ITPRID1: variants seen among roughly 807,000 people sequenced by gnomAD.
ITPRID1 encodes the protein protein ITPRID1.
ITPRID1 carries 96 observed loss-of-function variants against 95.4 expected under a neutral mutation model. The observed-to-expected ratio is 1.01, with a 90% confidence interval of 0.85 to 1.19. The LOEUF is 1.19. ITPRID1 is among the 50% of genes most tolerant of loss of function. The pLI is 0.00. For synonymous variants in ITPRID1, 510 were observed against 453.6 expected, an observed-to-expected ratio of 1.12 and a Z score of -1.58; for missense variants, 1,339 against 1,252.9, an observed-to-expected ratio of 1.07 and a Z score of -1.04.
intron 5 of ITPRID1, among the ~76,000 whole-genome samples, chr7:31,566,087 G>A (rs572873462): frequency 1.8e-4 from 27 of 152,308 alleles, no homozygotes; most frequent in African/African-American, 5.8e-4. Context: ...GACACAGGGC[G>A]TGGTCCATGG....
At chr7:31,610,915 C>G (rs1223514001) in intron 10 of ITPRID1, among the ~76,000 whole-genome samples, 1 of 150,972 alleles carries the variant, frequency 6.6e-6, no homozygotes, top group Admixed American at 6.6e-5. Flanking sequence ...ATCCATGCTG[C>G]CAATCTCTTT....
chr7:31,650,493 C>T (rs1218092684), intron 12 of ITPRID1, among the ~76,000 whole-genome samples: 4 of 152,134 alleles, frequency 2.6e-5, no homozygotes, highest in Non-Finnish European at 5.9e-5. Context: ...ATGACTACAT[C>T]AGGAGCAATG....
At chr7:31,519,608 CTCTCTCTCTCTCTATATATATATA>C (rs1783158578) in intron 1 of ITPRID1, among the ~76,000 whole-genome samples, 1 of 54,704 alleles carries the variant, frequency 1.8e-5, no homozygotes, top group South Asian at 9.2e-4. Flanking sequence ...CTCTCTCTCT[CTCTCTCTCTCTCTATATATATATA>C]TATATATATA....
intron 2 of ITPRID1, among the ~76,000 whole-genome samples, chr7:31,551,076 G>T (rs1784272236): frequency 7.0e-6 from 1 of 142,782 alleles, no homozygotes; most frequent in Non-Finnish European, 1.6e-5. Context: ...ATTATTTTGG[G>T]GATCTTATTT....
chr7:31,523,595 T>C (rs1326211789), intron 1 of ITPRID1, among the ~76,000 whole-genome samples: 2 of 152,144 alleles, frequency 1.3e-5, no homozygotes, highest in Non-Finnish European at 2.9e-5. Flanking sequence ...GGTGGATCTC[T>C]CCTGGCTTGG....
intron 10 of ITPRID1, among the ~76,000 whole-genome samples, chr7:31,629,754 A>G (rs1442342088): frequency 2.0e-5 from 3 of 152,184 alleles, no homozygotes; most frequent in African/African-American, 7.2e-5. Context: ...TTTGCAACTC[A>G]CGAATTGTGT....
chr7:31,608,498 A>ATATC (rs1562605102), intron 10 of ITPRID1, among the ~76,000 whole-genome samples: 1 of 151,834 alleles, frequency 6.6e-6, no homozygotes, highest in African/African-American at 2.4e-5. Flanking sequence ...ACAACATGGG[A>ATATC]TATCTTTCCA....
chr7:31,538,402 A>G (rs1340359547), intron 1 of ITPRID1, among the ~76,000 whole-genome samples: 1 of 152,234 alleles, frequency 6.6e-6, no homozygotes, highest in African/African-American at 2.4e-5. Context: ...AATTATCAAA[A>G]TAATAAAATG....
At chr7:31,566,111 G>C (rs887322417) in intron 5 of ITPRID1, among the ~76,000 whole-genome samples, 2 of 152,186 alleles carry the variant, frequency 1.3e-5, no homozygotes, top group Non-Finnish European at 2.9e-5. Flanking sequence ...GTATCCTCTA[G>C]ATCTGGTGGG....
intron 10 of ITPRID1, among the ~76,000 whole-genome samples, chr7:31,598,587 T>C (rs1206494962): frequency 6.6e-6 from 1 of 151,806 alleles, no homozygotes; most frequent in African/African-American, 2.4e-5. Flanking sequence ...GTATTTTTAG[T>C]AGGGACGGGG....
chr7:31,578,387 T>C lies in ITPRID1; in HGVS notation c.1123T>C (p.Leu375=). ...NLFQTNKLKS[L]SHLAGKGPDS... ...ATTTCAGACTAACAAGCTCAAGAGCTTGTCTCATCTTGCAGGCAAAGGACC... is the reference window on the plus strand; with the variant it reads ...ATTTCAGACTAACAAGCTCAAGAGCCTGTCTCATCTTGCAGGCAAAGGACC... Residue 375 remains leucine (L), a synonymous_variant, in exon 9 of 15, where the codon TTG becomes CTG. Transcript: ENST00000615280. The C allele has an allele frequency of 1.2e-6, 2 of 1,613,186 alleles. No homozygotes were observed. The highest frequency in any genetic ancestry group is 2.2e-5 in the East Asian group (1 of 44,846).
chr7:31,612,368 T>G (rs1786909705), intron 10 of ITPRID1, among the ~76,000 whole-genome samples: 1 of 152,070 alleles, frequency 6.6e-6, no homozygotes, highest in Non-Finnish European at 1.5e-5. Context: ...TTTTGTTTTG[T>G]TTTGTTTTTG....
chr7:31,636,725 T>A lies in ITPRID1; in HGVS notation c.1229-5451T>A, dbSNP rs376836150. The stretch of plus-strand genomic sequence containing the variant: ...AGCACATAAAGGGATCTTTTTTTTT[T>A]AAAAATTTTATTATTATTATACTTT... On this transcript the variant is annotated intron_variant, in intron 10 of 14. Coordinates refer to ENST00000615280, the MANE Select transcript of ITPRID1 (RefSeq NM_001257967.3). Among the ~76,000 whole-genome samples, 312 of 111,590 alleles carry A rather than the reference T, an allele frequency of 2.8e-3. 2 individuals carry two copies. The highest frequency in any genetic ancestry group is 4.5e-3 in the Middle Eastern group (1 of 220). 73.2% of individuals were successfully genotyped at this position (111,590 alleles called of 152,430 possible).
intron 7 of ITPRID1, among the ~76,000 whole-genome samples, chr7:31,572,694 A>G (rs1437271515): frequency 6.6e-6 from 1 of 152,182 alleles, no homozygotes; most frequent in Non-Finnish European, 1.5e-5. Context: ...TTTGTGTACT[A>G]TTAAAAATTT....
At chr7:31,569,309 C>T (rs1336447899) in intron 5 of ITPRID1, among the ~76,000 whole-genome samples, 2 of 152,182 alleles carry the variant, frequency 1.3e-5, no homozygotes, top group Non-Finnish European at 2.9e-5. Context: ...CACTACTTCA[C>T]AACTTCCTGT....
At chr7:31,633,869 G>C (rs38380) in intron 10 of ITPRID1, among the ~76,000 whole-genome samples, 148,343 of 152,326 alleles carry the variant, frequency 0.97, 72,255 homozygotes, top group East Asian at 0.99. Flanking sequence ...TATCACACTT[G>C]ACACCCCATC....
chr7:31,583,059 T>A, intron 9 of ITPRID1, 75 bp from the exon 10 acceptor site: 2 of 1,054,920 alleles, frequency 1.9e-6, no homozygotes, highest in Admixed American at 1.8e-5. Context: ...TTGCCAGTCT[T>A]ATTATATGTT....
At chr7:31,598,625 T>G (rs10278517) in intron 10 of ITPRID1, among the ~76,000 whole-genome samples, 101,087 of 151,508 alleles carry the variant, frequency 0.67, 34,023 homozygotes, top group East Asian at 0.72. Flanking sequence ...GGATGGTCTC[T>G]ATCTCCTGAC....
rs941665502 is a variant in ITPRID1 at position 31,551,862 on chromosome 7, C to T, written c.-23-1140C>T. 2.0e-5 allele frequency: 8 copies of T among 402,006 alleles called. 2 individuals are homozygous for T. The highest frequency in any genetic ancestry group is 3.5e-5 in the Non-Finnish European group (7 of 198,824). The allele number at this position is 402,006 out of a possible 1,614,324, so 24.9% of individuals were successfully genotyped here. On this transcript the variant is annotated intron_variant, in intron 2 of 14. Transcript: ENST00000615280. The stretch of plus-strand genomic sequence containing the variant: ...CTGAAGTAAGTGTTTGGCTACTTGG[C>T]CATTTCTGTAAACTTGAAGGATAAA...
Sources: allele counts gnomAD v4.1 joint callset (sites outside exome capture counted in the v4.1 genomes callset), GRCh38; gene constraint gnomAD v4.1.1; transcripts MANE v1.5; gene names NCBI Gene and HGNC (gene_info 2026-07-23, HGNC 2026-07-21).